The following SLCO3A1 variants were observed in gnomAD, a reference collection of about 807,000 sequenced individuals.
The protein encoded by SLCO3A1 is PGE1 transporter.
Under a neutral mutation model 63.1 loss-of-function variants are expected in SLCO3A1, and 27 were observed. That is an observed-to-expected ratio of 0.43 (90% CI 0.32 to 0.59). SLCO3A1 has a LOEUF of 0.59. Among genes scored for constraint, SLCO3A1 ranks in the 20% least tolerant of loss-of-function variants. The pLI, the probability that SLCO3A1 is intolerant of heterozygous loss-of-function variation, is 0.09. For missense variants in SLCO3A1, 773 were observed against 945.8 expected (o/e 0.82, Z 2.40); for synonymous variants, 473 against 409.9 (o/e 1.15, Z -1.86).
chr15:92,083,109 C>T (rs543335094), intron 2 of SLCO3A1, among the ~76,000 whole-genome samples: 13 of 152,136 alleles, frequency 8.5e-5, no homozygotes, highest in East Asian at 1.9e-4. Context: ...TATAATCAGA[C>T]GAAATGATCA....
At chr15:92,125,617 A>G (rs2047911679) in intron 5 of SLCO3A1, among the ~76,000 whole-genome samples, 1 of 152,054 alleles carries the variant, frequency 6.6e-6, no homozygotes, top group African/African-American at 2.4e-5. Context: ...TTGCCTCATT[A>G]GAAGACGAGG....
In SLCO3A1 at chr15:92,124,590, G is replaced by A. The variant is rs563091558; in HGVS notation, c.1175-1471G>A. ...CATGCTAGACACAGAGAATCTAGGC[G>A]GGACTGAACAAGACAAAAAGGGTTT... On this transcript the variant is annotated intron_variant, in intron 5 of 9. Transcript: ENST00000318445. 9.2e-5 allele frequency among the ~76,000 whole-genome samples: 14 copies of A among 152,230 alleles called. No homozygotes were observed. The East Asian group carries it at 1.4e-3, about 15-fold the overall frequency.
At chr15:92,144,248 C>T (rs1033713803) in intron 7 of SLCO3A1, among the ~76,000 whole-genome samples, 1 of 152,160 alleles carries the variant, frequency 6.6e-6, no homozygotes, top group Non-Finnish European at 1.5e-5. Flanking sequence ...AACACATATA[C>T]ATGATGTATA....
intron 2 of SLCO3A1, among the ~76,000 whole-genome samples, chr15:92,007,788 G>A (rs1261290549): frequency 1.3e-5 from 2 of 152,158 alleles, no homozygotes. Context: ...AATCCCCAAA[G>A]CATAAAATTA....
chr15:91,974,183 A>G lies in SLCO3A1; in HGVS notation c.646+57725A>G, dbSNP rs115429147. Among the ~76,000 whole-genome samples the G allele has an allele frequency of 3.4e-3, 524 of 152,214 alleles. 3 individuals carry two copies. The highest frequency in any genetic ancestry group is 0.012 in the African/African-American group (511 of 41,524). On this transcript the variant is annotated intron_variant, in intron 2 of 9. Transcript: ENST00000318445. The stretch of plus-strand genomic sequence containing the variant: ...AGCCTGGGGTCCAACAGTAAGGATA[A>G]GAACCAGGACAGCAGGTTCCAGAAA...
At chr15:92,052,832 T>C (rs77700042) in intron 2 of SLCO3A1, among the ~76,000 whole-genome samples, 41 of 149,708 alleles carry the variant, frequency 2.7e-4, no homozygotes, top group Non-Finnish European at 5.2e-4. Context: ...ATTTTTTTTT[T>C]CCTTTTACAG....
Position 91,985,916 on chromosome 15 carries a change from C to G in SLCO3A1, c.646+69458C>G, listed in dbSNP as rs914969233. On this transcript the variant is annotated intron_variant, in intron 2 of 9. Transcript: ENST00000318445. ...CTAGTCTACGTGTAGGTGGGGGAGGCCTTCGAGGAGCAGGATGGAGCCCTG... is the reference window on the plus strand; with the variant it reads ...CTAGTCTACGTGTAGGTGGGGGAGGGCTTCGAGGAGCAGGATGGAGCCCTG... 6.6e-5 allele frequency among the ~76,000 whole-genome samples: 10 copies of G among 152,074 alleles called. 1 individual carries two copies. Among genetic ancestry groups the G allele is most frequent in the Admixed American group, 5.9e-4 (9 of 15,280 alleles).
intron 2 of SLCO3A1, among the ~76,000 whole-genome samples, chr15:92,074,487 C>CCTAAGAT (rs2047252897): frequency 6.6e-6 from 1 of 152,158 alleles, no homozygotes; most frequent in African/African-American, 2.4e-5. Context: ...CTCAGGTGGG[C>CCTAAGAT]CTTAAGGACC....
chr15:91,896,165 A>G (rs917278791), intron 1 of SLCO3A1, among the ~76,000 whole-genome samples: 3 of 152,302 alleles, frequency 2.0e-5, no homozygotes. Context: ...AGTTCATAAT[A>G]TGGTTGTAGA....
At chr15:92,013,311 A>G (rs1226851681) in intron 2 of SLCO3A1, among the ~76,000 whole-genome samples, 2 of 152,216 alleles carry the variant, frequency 1.3e-5, no homozygotes, top group Non-Finnish European at 2.9e-5. Flanking sequence ...AGGCTCATAG[A>G]TGTTGAGGCT....
At position 91,941,880 on chromosome 15, in the gene SLCO3A1, G is replaced by A. The variant is rs1433466829; in HGVS notation, c.646+25422G>A. ...TATGGGCATCTGCAGTTCTGAGAGT[G>A]AGGGCTGGGGGCTGGTCTTAGGAGG... On this transcript the variant is annotated intron_variant, in intron 2 of 9. Coordinates refer to ENST00000318445, the MANE Select transcript of SLCO3A1 (RefSeq NM_013272.4). The surrounding 1 kb of genome is among the most constrained non-coding windows in gnomAD (Gnocchi z 4.4). Among the ~76,000 whole-genome samples the A allele has an allele frequency of 6.6e-6, 1 of 152,152 alleles. No homozygotes were observed. Among genetic ancestry groups the A allele is most frequent in the Non-Finnish European group, 1.5e-5 (1 of 68,034 alleles).
In SLCO3A1 at chr15:91,948,052, T is replaced by C. The variant is rs1020708487; in HGVS notation, c.646+31594T>C. 1.3e-5 allele frequency among the ~76,000 whole-genome samples: 2 copies of C among 152,208 alleles called. No homozygotes were observed. The highest frequency in any genetic ancestry group is 2.1e-4 in the South Asian group (1 of 4,834). On this transcript the variant is annotated intron_variant, in intron 2 of 9. Coordinates refer to ENST00000318445, the MANE Select transcript of SLCO3A1 (RefSeq NM_013272.4). This position sits in a 1 kb window ranked among gnomAD's most constrained non-coding sequence, Gnocchi z 4.8. The stretch of plus-strand genomic sequence containing the variant: ...CGTGGGAGCAGAAGCAGAATTCAGA[T>C]GACAGATAGACGAATGGAGATAAAA...
intron 2 of SLCO3A1, among the ~76,000 whole-genome samples, chr15:92,066,861 C>A (rs1317186783): frequency 6.6e-6 from 1 of 152,174 alleles, no homozygotes; most frequent in East Asian, 1.9e-4. Flanking sequence ...GACCTTCTGT[C>A]CCAGATCCCT....
chr15:92,014,988 T>G (rs910925178), intron 2 of SLCO3A1, among the ~76,000 whole-genome samples: 1 of 152,192 alleles, frequency 6.6e-6, no homozygotes, highest in African/African-American at 2.4e-5. Context: ...AAAAGGCTGA[T>G]GCATTCTTTC....
At chr15:92,162,725 C>T in intron 9 of SLCO3A1, 31 bp from the exon 10 acceptor site, 1 of 1,585,256 alleles carries the variant, frequency 6.3e-7, no homozygotes, top group African/African-American at 1.3e-5. Context: ...CCACCAGATC[C>T]AGAACCTTAA....
At chr15:91,919,534 C>T (rs28433342) in intron 2 of SLCO3A1, among the ~76,000 whole-genome samples, 7 of 152,320 alleles carry the variant, frequency 4.6e-5, no homozygotes, top group East Asian at 3.9e-4. Flanking sequence ...ACTACATGGG[C>T]GCAGTGGCAG....
intron 9 of SLCO3A1, among the ~76,000 whole-genome samples, chr15:92,159,000 T>G (rs1046029440): frequency 3.3e-5 from 5 of 152,132 alleles, no homozygotes; most frequent in Non-Finnish European, 7.4e-5. Flanking sequence ...CTATCTAACA[T>G]GAATAAGGTG....
chr15:91,896,104 A>C (rs952681741), intron 1 of SLCO3A1, among the ~76,000 whole-genome samples: 3 of 152,148 alleles, frequency 2.0e-5, no homozygotes, highest in African/African-American at 7.2e-5. Context: ...ATTACAGCTA[A>C]CTCCAGAGAT....
intron 3 of SLCO3A1, among the ~76,000 whole-genome samples, chr15:92,098,522 C>T (rs1371213049): frequency 6.6e-6 from 1 of 152,188 alleles, no homozygotes; most frequent in Non-Finnish European, 1.5e-5. Flanking sequence ...CTTGAAAAAA[C>T]GGACTTAGTA....
Sources: allele counts gnomAD v4.1 joint callset (sites outside exome capture counted in the v4.1 genomes callset), GRCh38; gene constraint gnomAD v4.1.1; non-coding constraint Gnocchi (gnomAD v3.1); transcripts MANE v1.5; gene names NCBI Gene and HGNC (gene_info 2026-07-23, HGNC 2026-07-21).